Variants in SGK1 observed in about 807,000 individuals in gnomAD.
SGK1 encodes serum/glucocorticoid regulated kinase 1, also known as serine/threonine-protein kinase Sgk1.
Under a neutral mutation model 64.2 loss-of-function variants are expected in SGK1, and 26 were observed. That is an observed-to-expected ratio of 0.40 (90% confidence interval 0.30 to 0.56). SGK1 has a LOEUF of 0.56. SGK1 is among the 20% of genes least tolerant of loss of function. The pLI is 0.38. For missense variants in SGK1, 519 were observed against 645.6 expected, an observed-to-expected ratio of 0.80 and a Z score of 2.12; for synonymous variants, 265 against 239.7, an observed-to-expected ratio of 1.11 and a Z score of -0.98.
At chr6:134,225,222 A>AGG (rs1776155202) in intron 2 of SGK1, among the ~76,000 whole-genome samples, 3 of 150,912 alleles carry the variant, frequency 2.0e-5, no homozygotes, top group African/African-American at 4.9e-5. Context: ...GTGGTGGTGC[A>AGG]TGCCTGTGAT....
At chr6:134,208,484 A>G (rs1447293805) in intron 2 of SGK1, among the ~76,000 whole-genome samples, 3 of 151,994 alleles carry the variant, frequency 2.0e-5, no homozygotes, top group African/African-American at 7.3e-5. Flanking sequence ...CCAACACCCA[A>G]GCAGTGTACA....
At chr6:134,293,772 A>C (rs1236054815) in intron 1 of SGK1, among the ~76,000 whole-genome samples, 1 of 152,082 alleles carries the variant, frequency 6.6e-6, no homozygotes, top group Non-Finnish European at 1.5e-5. Flanking sequence ...TAGTCATTTC[A>C]CCTCCTCAAA....
intron 1 of SGK1, among the ~76,000 whole-genome samples, chr6:134,315,977 C>G (rs1777679249): frequency 6.6e-6 from 1 of 152,222 alleles, no homozygotes; most frequent in Non-Finnish European, 1.5e-5. Context: ...CCTTGTGGAG[C>G]TCTGTGAAGT....
At chr6:134,174,417 G>C in intron 4 of SGK1, 94 bp downstream of exon 4, 1 of 849,848 alleles carries the variant, frequency 1.2e-6, no homozygotes, top group East Asian at 2.5e-5. Flanking sequence ...CCCAGAAGAA[G>C]TCTTCGCCTT....
intron 1 of SGK1, among the ~76,000 whole-genome samples, chr6:134,304,231 A>G (rs948732122): frequency 1.3e-5 from 2 of 152,266 alleles, no homozygotes; most frequent in Non-Finnish European, 2.9e-5. Flanking sequence ...CCTCCAAATG[A>G]GTGACACTGA....
chr6:134,196,863 G>C (rs1775602136), intron 3 of SGK1, among the ~76,000 whole-genome samples: 1 of 152,106 alleles, frequency 6.6e-6, no homozygotes, highest in Admixed American at 6.5e-5. Flanking sequence ...CCTTAATTTT[G>C]GGCAGTGTTA....
intron 9 of SGK1, 82 bp from the exon 10 acceptor site, chr6:134,172,398 T>C (rs1775058858): frequency 1.4e-6 from 2 of 1,380,214 alleles, no homozygotes; most frequent in African/African-American, 1.4e-5. Flanking sequence ...TTGCTAAAGG[T>C]ATTAGAGGCA....
intron 1 of SGK1, among the ~76,000 whole-genome samples, chr6:134,299,053 C>T (rs1247330342): frequency 2.0e-5 from 3 of 152,038 alleles, no homozygotes; most frequent in Non-Finnish European, 2.9e-5. Flanking sequence ...CCTGCCTCGA[C>T]CTGCCAAAGT....
At chr6:134,254,128 CAA>C (rs772602600) in intron 2 of SGK1, among the ~76,000 whole-genome samples, 6 of 88,362 alleles carry the variant, frequency 6.8e-5, no homozygotes, top group East Asian at 3.1e-4. Flanking sequence ...TTTTTTTTTT[CAA>C]AAAAAAAAAA....
At chr6:134,286,223 G>A (rs541572235) in intron 1 of SGK1, among the ~76,000 whole-genome samples, 1 of 152,156 alleles carries the variant, frequency 6.6e-6, no homozygotes, top group Non-Finnish European at 1.5e-5. Context: ...AGGTTTGAAC[G>A]TAAGAGTATA....
intron 1 of SGK1, among the ~76,000 whole-genome samples, chr6:134,311,868 G>C (rs943051148): frequency 6.6e-6 from 1 of 152,100 alleles, no homozygotes; most frequent in Non-Finnish European, 1.5e-5. Flanking sequence ...AACATATCTT[G>C]AAAAAATCTA....
intron 2 of SGK1, among the ~76,000 whole-genome samples, chr6:134,218,444 T>TC (rs1285432395): frequency 2.0e-5 from 3 of 149,090 alleles, no homozygotes; most frequent in Non-Finnish European, 4.5e-5. Flanking sequence ...TTTCTTTTTT[T>TC]TTTTTTTTTG....
chr6:134,243,810 T>G (rs189953086), intron 2 of SGK1, among the ~76,000 whole-genome samples: 3 of 152,230 alleles, frequency 2.0e-5, no homozygotes, highest in African/African-American at 7.2e-5. Context: ...CTCATCAATC[T>G]ATGGATAATT....
chr6:134,210,716 C>T (rs760216796), intron 2 of SGK1, among the ~76,000 whole-genome samples: 2 of 144,584 alleles, frequency 1.4e-5, no homozygotes, highest in African/African-American at 5.2e-5. Flanking sequence ...CCCAGCTACT[C>T]GGGAGGCTGA....
intron 3 of SGK1, among the ~76,000 whole-genome samples, chr6:134,203,071 C>T (rs1237488561): frequency 6.6e-6 from 1 of 152,110 alleles, no homozygotes; most frequent in Non-Finnish European, 1.5e-5. Flanking sequence ...TACTGAAACC[C>T]CGTCTCTACT....
Position 134,190,010 on chromosome 6 carries a change from C to T in SGK1, c.362-15424G>A, listed in dbSNP as rs139061462. Among the ~76,000 whole-genome samples the T allele has an allele frequency of 2.3e-3, 356 of 151,770 alleles. 1 individual carries two copies. Among genetic ancestry groups the T allele is most frequent in the East Asian group, 0.013 (68 of 5,106 alleles). On this transcript the variant is annotated intron_variant, in intron 3 of 13. Coordinates refer to ENST00000367858, the MANE Select transcript of SGK1 (RefSeq NM_001143676.3). ...GATTACAAGCACGCGCCACCATGCCCGGCTAATTTTTGTATTTTTAGTAGA... is the reference window on the plus strand; with the variant it reads ...GATTACAAGCACGCGCCACCATGCCTGGCTAATTTTTGTATTTTTAGTAGA...
intron 3 of SGK1, among the ~76,000 whole-genome samples, chr6:134,194,988 C>T (rs1468033930): frequency 6.6e-6 from 1 of 152,146 alleles, no homozygotes; most frequent in African/African-American, 2.4e-5. Context: ...TTTTGATCTG[C>T]TGCCATATTA....
chr6:134,230,067 T>C (rs1281093980), intron 2 of SGK1, among the ~76,000 whole-genome samples: 1 of 152,128 alleles, frequency 6.6e-6, no homozygotes, highest in Non-Finnish European at 1.5e-5. Context: ...CTTACAATAA[T>C]TAGATGCTGA....
At chr6:134,176,464 G>A (rs1238630155) in intron 3 of SGK1, among the ~76,000 whole-genome samples, 1 of 152,246 alleles carries the variant, frequency 6.6e-6, no homozygotes, top group African/African-American at 2.4e-5. Flanking sequence ...CGCGGCTGGG[G>A]GATGTCTGGG....
Sources: allele counts gnomAD v4.1 joint callset (sites outside exome capture counted in the v4.1 genomes callset), GRCh38; gene constraint gnomAD v4.1.1; transcripts MANE v1.5; gene names NCBI Gene and HGNC (gene_info 2026-07-23, HGNC 2026-07-21).